Variants in RLF observed in about 807,000 individuals in gnomAD.
The protein encoded by RLF is zinc finger protein Rlf.
Under a neutral mutation model 162.9 loss-of-function variants are expected in RLF, and 7 were observed. That is an observed-to-expected ratio of 0.04 (90% CI 0.02 to 0.08). The LOEUF is 0.08. Among genes scored for constraint, RLF ranks in the 10% least tolerant of loss-of-function variants. RLF has a pLI of 1.00. For missense variants in RLF, 1,664 were observed against 2,244.7 expected (o/e 0.74, Z 5.23); for synonymous variants, 782 against 791.5 (o/e 0.99, Z 0.20).
At chr1:40,169,823 G>C (rs977947030) in intron 1 of RLF, among the ~76,000 whole-genome samples, 7 of 151,008 alleles carry the variant, frequency 4.6e-5, no homozygotes, top group African/African-American at 1.7e-4. Flanking sequence ...CTCCCAAGTA[G>C]CTGGGATTAC....
chr1:40,191,358 C>G (rs140359326), intron 3 of RLF, among the ~76,000 whole-genome samples: 3 of 151,940 alleles, frequency 2.0e-5, no homozygotes, highest in African/African-American at 7.3e-5. Context: ...GCCAACATGC[C>G]GAAACCCTGT....
chr1:40,207,850 A>G (rs557054112), intron 5 of RLF, among the ~76,000 whole-genome samples: 6 of 152,126 alleles, frequency 3.9e-5, no homozygotes, highest in Non-Finnish European at 8.8e-5. Flanking sequence ...ACCTCAAGCA[A>G]TCTGCCTGAC....
intron 3 of RLF, among the ~76,000 whole-genome samples, chr1:40,192,241 G>T (rs1023182230): frequency 4.6e-5 from 7 of 152,130 alleles, no homozygotes; most frequent in Non-Finnish European, 1.0e-4. Flanking sequence ...TCTGAAGCCT[G>T]CCAGTCGTTT....
intron 6 of RLF, among the ~76,000 whole-genome samples, chr1:40,224,386 G>A (rs1337538943): frequency 7.1e-6 from 1 of 141,814 alleles, no homozygotes; most frequent in African/African-American, 2.7e-5. Context: ...TTGGCTCACT[G>A]CAACCTCCGC....
chr1:40,240,087 CTTAACA>C lies in RLF; in HGVS notation c.5390_5395del (p.Thr1797_Leu1798del), dbSNP rs749627374. ...TTGATGATTGGGAGCCTTCAGAGCACTTAACATTAAGTAATTCTTCACAGTCCAGTA... is the reference window on the plus strand; with the variant it reads ...TTGATGATTGGGAGCCTTCAGAGCACTTAAGTAATTCTTCACAGTCCAGTA... On this transcript the variant is annotated inframe_deletion, in exon 8 of 8. Coordinates refer to ENST00000372771, the MANE Select transcript of RLF (RefSeq NM_012421.4). 3 of 1,613,944 alleles carry C rather than the reference CTTAACA, an allele frequency of 1.9e-6. No homozygotes were observed. The highest frequency in any genetic ancestry group is 1.7e-5 in the Admixed American group (1 of 60,008).
At chr1:40,176,321 T>A (rs1642325419) in intron 1 of RLF, among the ~76,000 whole-genome samples, 1 of 152,242 alleles carries the variant, frequency 6.6e-6, no homozygotes, top group African/African-American at 2.4e-5. Flanking sequence ...TACATTCACA[T>A]CAGCGCTGTA....
intron 5 of RLF, among the ~76,000 whole-genome samples, chr1:40,212,181 T>A (rs1039188671): frequency 6.6e-6 from 1 of 152,050 alleles, no homozygotes; most frequent in Non-Finnish European, 1.5e-5. Flanking sequence ...TACCTGGGGG[T>A]ATCCCAATAA....
chr1:40,239,742 C>G lies in RLF; in HGVS notation c.5040C>G (p.Thr1680=). 1.2e-6 allele frequency: 2 copies of G among 1,614,090 alleles called. No homozygotes were observed. Among genetic ancestry groups the G allele is most frequent in the Middle Eastern group, 1.6e-4 (1 of 6,062 alleles). Residue 1680 remains threonine, a synonymous_variant, in exon 8 of 8, where the codon ACC becomes ACG. Coordinates refer to ENST00000372771, the MANE Select transcript of RLF (RefSeq NM_012421.4). ...GTLKCNHSSK[T]TSLEQCNIVQ... is the part of the protein sequence containing the mutation. ...TGAAATGTAATCATAGTTCCAAAAC[C>G]ACTTCCCTAGAACAGTGTAATATAG... is the stretch of plus-strand genomic sequence containing the variant.
At chr1:40,185,607 T>C (rs1196152354) in intron 1 of RLF, among the ~76,000 whole-genome samples, 64 of 105,956 alleles carry the variant, frequency 6.0e-4, no homozygotes, top group African/African-American at 2.1e-3. Context: ...GGTCAGGAGC[T>C]CGAGACCATC....
chr1:40,239,680 G>A lies in RLF; in HGVS notation c.4978G>A (p.Val1660Ile), dbSNP rs896864149. 6.2e-7 allele frequency: 1 copy of A among 1,614,094 alleles called. No homozygotes were observed. The highest frequency in any genetic ancestry group is 1.3e-5 in the African/African-American group (1 of 74,932). ...GAAAGGGTGCATAGAAAGCAGCTCA[G>A]TATTTGATGCAGATACTCTGCTCTA... ...GQKGCIESSS[V>I]FDADTLLYRG... Residue 1660 changes from valine (V) to isoleucine (I), a missense_variant, in exon 8 of 8, where the codon GTA becomes ATA. Transcript: ENST00000372771.
chr1:40,201,350 G>A (rs557473847), intron 4 of RLF, among the ~76,000 whole-genome samples: 5 of 151,764 alleles, frequency 3.3e-5, no homozygotes, highest in African/African-American at 1.2e-4. Flanking sequence ...GCTCGGCCGG[G>A]TGCGGTGGCT....
chr1:40,221,104 A>C lies in RLF; in HGVS notation c.811-1470A>C, dbSNP rs528957321. Among the ~76,000 whole-genome samples the C allele has an allele frequency of 1.3e-4, 20 of 152,210 alleles. No individual in the cohort carries two copies. The South Asian group carries it at 2.5e-3, about 19-fold the overall frequency. On this transcript the variant is annotated intron_variant, in intron 5 of 7. Coordinates refer to ENST00000372771, the MANE Select transcript of RLF (RefSeq NM_012421.4). ...GCCGTGATTACCCTAACTGCACTGC[A>C]GCCTTGGCAACAGAGTAAGACACTG...
chr1:40,228,153 C>T (rs978016033), intron 6 of RLF, among the ~76,000 whole-genome samples: 7 of 149,594 alleles, frequency 4.7e-5, no homozygotes, highest in African/African-American at 1.5e-4. Flanking sequence ...GGCATAGTTG[C>T]GTGCGCCTGT....
At chr1:40,196,315 A>C (rs189030742) in intron 4 of RLF, among the ~76,000 whole-genome samples, 4 of 152,064 alleles carry the variant, frequency 2.6e-5, no homozygotes, top group Admixed American at 2.6e-4. Context: ...ATTGTGATCC[A>C]CCTGCCTTGG....
chr1:40,240,099 T>G lies in RLF; in HGVS notation c.5397T>G (p.Ser1799Arg). ...DWEPSEHLTL[S>R]NSSQSSNDLT... is the part of the protein sequence containing the mutation. ...AGCCTTCAGAGCACTTAACATTAAG[T>G]AATTCTTCACAGTCCAGTAATGATT... The change falls in exon 8 of 8, where the codon AGT becomes AGG. Residue 1799 changes from serine (S) to arginine (R), a missense_variant. By Grantham distance (110) the Ser-to-Arg change is moderately radical. This residue lies in a region of RLF where 327 missense variants were observed against 342.7 expected (regional missense o/e 0.95). Transcript: ENST00000372771. 1 of 1,614,118 alleles carries G rather than the reference T, an allele frequency of 6.2e-7. No individual in the cohort carries two copies. The highest frequency in any genetic ancestry group is 8.5e-7 in the Non-Finnish European group (1 of 1,179,958).
chr1:40,172,292 T>A (rs1350313849), intron 1 of RLF, among the ~76,000 whole-genome samples: 1 of 152,216 alleles, frequency 6.6e-6, no homozygotes, highest in Non-Finnish European at 1.5e-5. Flanking sequence ...CAGTCTTGTG[T>A]GTCCTTAAAA....
chr1:40,164,684 A>C (rs1466904751), intron 1 of RLF, among the ~76,000 whole-genome samples: 2 of 152,140 alleles, frequency 1.3e-5, no homozygotes, highest in Non-Finnish European at 2.9e-5. Flanking sequence ...GGATTCCTTA[A>C]GTTTTACAAT....
chr1:40,215,346 G>T (rs959672342), intron 5 of RLF, among the ~76,000 whole-genome samples: 5 of 152,082 alleles, frequency 3.3e-5, no homozygotes, highest in Admixed American at 6.6e-5. Flanking sequence ...CTTCTCAAAT[G>T]CACATGGTCT....
rs186096725 is a variant in RLF at position 40,232,793 on chromosome 1, C to G, written c.1089+1135C>G. ...GATCATAGCTCATTACAGCTTCAAA[C>G]TCCTTGGCTCAAGCAATCCTCCCGT... On this transcript the variant is annotated intron_variant, in intron 7 of 7. Transcript: ENST00000372771. 1.5e-3 allele frequency among the ~76,000 whole-genome samples: 235 copies of G among 152,286 alleles called. 1 individual carries two copies. The highest frequency in any genetic ancestry group is 5.4e-3 in the African/African-American group (226 of 41,554).
Sources: allele counts gnomAD v4.1 joint callset (sites outside exome capture counted in the v4.1 genomes callset), GRCh38; gene constraint gnomAD v4.1.1; regional missense constraint gnomAD v4.1.1; transcripts MANE v1.5; gene names NCBI Gene and HGNC (gene_info 2026-07-23, HGNC 2026-07-21).